PTCHD4: variants seen among roughly 807,000 people sequenced by gnomAD.
The protein encoded by PTCHD4 is patched domain-containing protein 4.
PTCHD4 carries 33 observed loss-of-function variants against 58.1 expected under a neutral mutation model. The ratio of observed to expected loss-of-function variants is 0.57; its 90% CI spans 0.43 to 0.76. The LOEUF is 0.76. Ranked by LOEUF, PTCHD4 falls within the 30% of genes least tolerant of loss-of-function variation. PTCHD4 has a pLI of 0.00. For synonymous variants in PTCHD4, 478 were observed against 409.6 expected (o/e 1.17, Z -2.02); for missense variants, 1,058 against 1,027.1 (o/e 1.03, Z -0.41).
intron 4 of PTCHD4, among the ~76,000 whole-genome samples, chr6:47,999,555 C>T (rs1371334905): frequency 1.3e-5 from 2 of 152,092 alleles, no homozygotes; most frequent in African/African-American, 4.8e-5. Context: ...GAACTTTAGC[C>T]AAGCATTAAG....
At chr6:48,017,244 T>C (rs1397127690) in intron 3 of PTCHD4, among the ~76,000 whole-genome samples, 1 of 152,186 alleles carries the variant, frequency 6.6e-6, no homozygotes, top group African/African-American at 2.4e-5. Flanking sequence ...CAGAACTTCA[T>C]ATTTAGTAGA....
intron 1 of PTCHD4, among the ~76,000 whole-genome samples, chr6:48,098,001 T>C (rs966722794): frequency 5.3e-5 from 8 of 152,128 alleles, no homozygotes; most frequent in African/African-American, 1.9e-4. Flanking sequence ...TGATTAGTAG[T>C]TGAGTTCCTG....
chr6:47,964,061 A>G lies in PTCHD4; in HGVS notation c.898+44573T>C, dbSNP rs570611189. ...GGATAATGCTGTTGTATGAAGATAA[A>G]TACTTCATTATTCCACTTATAAGCA... On this transcript the variant is annotated intron_variant, in intron 4 of 4. Transcript: ENST00000339488. 2.6e-5 allele frequency among the ~76,000 whole-genome samples: 4 copies of G among 152,352 alleles called. No homozygotes were observed. The South Asian group carries it at 8.3e-4, about 32-fold the overall frequency.
intron 1 of PTCHD4, among the ~76,000 whole-genome samples, chr6:48,087,874 G>C (rs911214622): frequency 7.2e-5 from 11 of 152,100 alleles, no homozygotes; most frequent in Admixed American, 7.2e-4. Flanking sequence ...AGTCTTAATG[G>C]AACAATTATA....
In PTCHD4 at chr6:48,004,969, A is replaced by G. The variant is rs549193785; in HGVS notation, c.898+3665T>C. On this transcript the variant is annotated intron_variant, in intron 4 of 4. Coordinates refer to ENST00000339488, the MANE Select transcript of PTCHD4 (RefSeq NM_001384253.1). ...TGGAATTCTTTCTGAATACTTCTCT[A>G]GAGAGACTGCATGCACCTCTAATAA... Among the ~76,000 whole-genome samples, 9 of 152,332 alleles carry G rather than the reference A, an allele frequency of 5.9e-5. No individual in the cohort carries two copies. The South Asian group carries it at 1.9e-3, about 32-fold the overall frequency.
intron 4 of PTCHD4, among the ~76,000 whole-genome samples, chr6:48,001,549 T>G (rs1768722804): frequency 6.6e-6 from 1 of 152,202 alleles, no homozygotes. Context: ...GAAAACTGGA[T>G]AGCCATATGT....
At chr6:48,101,101 GAACA>G (rs2113912407) in intron 1 of PTCHD4, among the ~76,000 whole-genome samples, 1 of 151,910 alleles carries the variant, frequency 6.6e-6, no homozygotes, top group Admixed American at 6.6e-5. Flanking sequence ...ACCAGAATAA[GAACA>G]AATAGACAAC....
chr6:48,003,171 G>C (rs887678873), intron 4 of PTCHD4, among the ~76,000 whole-genome samples: 2 of 151,974 alleles, frequency 1.3e-5, no homozygotes, highest in African/African-American at 2.4e-5. Context: ...CTTTATACTT[G>C]ATCTCATTGG....
Position 48,068,457 on chromosome 6 carries a change from C to G in PTCHD4, c.190G>C (p.Glu64Gln), listed in dbSNP as rs1410865996. ...GLSALNRFQP[E>Q]GDLERLVAPS... ...GCGACCAGGCGCTCCAGGTCGCCCT[C>G]GGGCTGGAAGCGGTTGAGCGCGCTG... The change falls in exon 3 of 5, where the codon GAG becomes CAG. Residue 64 changes from glutamate to glutamine, a missense_variant. Transcript: ENST00000339488. This position sits in a 1 kb window ranked among gnomAD's most constrained non-coding sequence, Gnocchi z 4.2. 2.5e-6 allele frequency: 4 copies of G among 1,613,612 alleles called. No individual in the cohort carries two copies. Among genetic ancestry groups the G allele is most frequent in the Non-Finnish European group, 3.4e-6 (4 of 1,179,838 alleles).
At chr6:47,921,307 C>T (rs1051840489) in intron 4 of PTCHD4, among the ~76,000 whole-genome samples, 1 of 152,024 alleles carries the variant, frequency 6.6e-6, no homozygotes, top group African/African-American at 2.4e-5. Context: ...ACACATTCAC[C>T]ATCCTATTTG....
chr6:48,107,022 T>TTA (rs1430035742), intron 1 of PTCHD4, among the ~76,000 whole-genome samples: 1 of 152,214 alleles, frequency 6.6e-6, no homozygotes, highest in East Asian at 1.9e-4. Flanking sequence ...ATAGCCATAC[T>TTA]GCCCAAGGTA....
At chr6:48,015,129 A>C (rs544124956) in intron 3 of PTCHD4, among the ~76,000 whole-genome samples, 9 of 150,726 alleles carry the variant, frequency 6.0e-5, no homozygotes, top group Non-Finnish European at 1.0e-4. Context: ...ACAAGTCTTA[A>C]AGTAAGAATA....
chr6:48,007,174 A>G (rs1762466870), intron 4 of PTCHD4, among the ~76,000 whole-genome samples: 1 of 152,150 alleles, frequency 6.6e-6, no homozygotes, highest in Non-Finnish European at 1.5e-5. Flanking sequence ...TGAGCAAGAG[A>G]GGTTGCAGTG....
chr6:47,911,956 A>G (rs2113868737), intron 4 of PTCHD4, among the ~76,000 whole-genome samples: 1 of 152,208 alleles, frequency 6.6e-6, no homozygotes, highest in South Asian at 2.1e-4. Context: ...AAATAGACTG[A>G]GAAGCAGCAT....
rs1420291791 is a variant in PTCHD4, at chr6:48,068,965, G to A, written c.-8C>T. On this transcript the variant is annotated 5_prime_UTR_variant, in exon 2 of 5. It adds an upstream start codon to the 5' untranslated region. Coordinates refer to ENST00000339488, the MANE Select transcript of PTCHD4 (RefSeq NM_001384253.1). This position sits in a 1 kb window ranked among gnomAD's most constrained non-coding sequence, Gnocchi z 4.2. The stretch of plus-strand genomic sequence containing the variant: ...CGCTGGCTCTCACCGCATGAGCAGC[G>A]TTCCCTCGGTCTAGCCCTTCATCTC... Among the ~76,000 whole-genome samples the A allele has an allele frequency of 3.3e-5, 5 of 151,488 alleles. No individual in the cohort carries two copies. Among genetic ancestry groups the A allele is most frequent in the Middle Eastern group, 3.4e-3 (1 of 292 alleles).
chr6:48,007,904 G>T (rs1762512459), intron 4 of PTCHD4, among the ~76,000 whole-genome samples: 1 of 150,338 alleles, frequency 6.7e-6, no homozygotes, highest in Non-Finnish European at 1.5e-5. Context: ...TCCCAGATTT[G>T]ATCTTCTCTT....
intron 3 of PTCHD4, among the ~76,000 whole-genome samples, chr6:48,054,326 A>G (rs1764336599): frequency 6.6e-6 from 1 of 152,206 alleles, no homozygotes. Context: ...GAGTTGGCCT[A>G]TAAATAACTC....
chr6:48,017,941 C>G (rs1032392313), intron 3 of PTCHD4, among the ~76,000 whole-genome samples: 8 of 152,150 alleles, frequency 5.3e-5, no homozygotes, highest in Non-Finnish European at 4.4e-5. Context: ...GGGTCTTAAG[C>G]TCCCTGTGTG....
chr6:47,980,445 C>G (rs986520875), intron 4 of PTCHD4, among the ~76,000 whole-genome samples: 6 of 152,002 alleles, frequency 3.9e-5, no homozygotes, highest in African/African-American at 1.4e-4. Context: ...CTGTAGCTGT[C>G]TTCTTATGTA....
Sources: gnomAD v4.1 joint callset for allele counts (sites outside exome capture counted in the v4.1 genomes callset) on GRCh38, gnomAD v4.1.1 for gene constraint, Gnocchi (gnomAD v3.1) non-coding constraint, MANE v1.5 for transcripts, NCBI Gene and HGNC (gene_info 2026-07-23, HGNC 2026-07-21) for gene names.